The following SLC67A2 variants were observed in gnomAD, a reference collection of about 807,000 sequenced individuals.
SLC67A2 encodes solute carrier family 67 member 2.
the SLC67A2 span, chr2:102,718,474 A>T: frequency 2.5e-6 from 4 of 1,613,986 alleles, no homozygotes; most frequent in Admixed American, 1.7e-5. Context: ...GCTTGTTTAG[A>T]GACATTATGA....
the SLC67A2 span, among the ~76,000 whole-genome samples, chr2:102,730,759 C>T: frequency 1.3e-5 from 2 of 152,110 alleles, no homozygotes; most frequent in African/African-American, 4.8e-5. Flanking sequence ...CCGTATTAGC[C>T]AGGATGGTCT....
the SLC67A2 span, among the ~76,000 whole-genome samples, chr2:102,714,863 A>C: frequency 2.6e-5 from 4 of 152,206 alleles, no homozygotes; most frequent in Admixed American, 6.5e-5. Flanking sequence ...ATGCATTCCA[A>C]ATAAATAGCT....
chr2:102,736,476 A>G, the SLC67A2 span: 6 of 1,481,636 alleles, frequency 4.0e-6, no homozygotes, highest in Middle Eastern at 2.1e-4. Context: ...CCAGATGCAG[A>G]CTGAAGTGGG....
the SLC67A2 span, among the ~76,000 whole-genome samples, chr2:102,719,374 T>A: frequency 6.6e-6 from 1 of 152,228 alleles, no homozygotes; most frequent in Non-Finnish European, 1.5e-5. Context: ...CCTATGGCTT[T>A]ATTCTGACAT....
the SLC67A2 span, among the ~76,000 whole-genome samples, chr2:102,734,059 C>T: frequency 2.6e-5 from 4 of 152,276 alleles, no homozygotes; most frequent in East Asian, 5.8e-4. Flanking sequence ...TCTTCAAAAT[C>T]GCTGCATTTG....
chr2:102,723,774 C>T, the SLC67A2 span: 11 of 1,614,130 alleles, frequency 6.8e-6, no homozygotes, highest in South Asian at 2.2e-5. Flanking sequence ...AGTGAGATAG[C>T]CACCGACCAC....
At chr2:102,719,950 T>C in the SLC67A2 span, among the ~76,000 whole-genome samples, 3 of 152,196 alleles carry the variant, frequency 2.0e-5, no homozygotes, top group East Asian at 1.9e-4. Flanking sequence ...GACCACAACA[T>C]ATACAACCTT....
the SLC67A2 span, chr2:102,736,834 C>CGCA: frequency 2.3e-5 from 36 of 1,584,728 alleles, no homozygotes; most frequent in Admixed American, 5.2e-5. Flanking sequence ...GGGGGTCGGA[C>CGCA]GCAGCAGCAG....
the SLC67A2 span, chr2:102,730,918 A>G: frequency 1.1e-6 from 1 of 882,844 alleles, no homozygotes; most frequent in Non-Finnish European, 1.8e-6. Context: ...GGAAGAACAT[A>G]TTACAATTTA....
chr2:102,736,693 C>A, the SLC67A2 span: 1 of 1,613,454 alleles, frequency 6.2e-7, no homozygotes, highest in South Asian at 1.1e-5. Flanking sequence ...CGGGCTCCGA[C>A]GGCACCGGAG....
chr2:102,726,901 A>C, the SLC67A2 span: 1 of 1,613,072 alleles, frequency 6.2e-7, no homozygotes, highest in Non-Finnish European at 8.5e-7. Flanking sequence ...TCCGAGAAGG[A>C]GATAGCCCAG....
At chr2:102,732,771 G>A in the SLC67A2 span, among the ~76,000 whole-genome samples, 34,416 of 123,436 alleles carry the variant, frequency 0.28, 3,883 homozygotes, top group South Asian at 0.33. Flanking sequence ...TGGAGTTGGC[G>A]AAAGTGGCTA....
chr2:102,729,009 CATT>C, the SLC67A2 span, among the ~76,000 whole-genome samples: 2 of 152,102 alleles, frequency 1.3e-5, no homozygotes, highest in Non-Finnish European at 2.9e-5. Context: ...TATTTAAAAA[CATT>C]AGCCAAATCT....
the SLC67A2 span, among the ~76,000 whole-genome samples, chr2:102,723,245 G>A: frequency 9.8e-5 from 15 of 152,308 alleles, no homozygotes; most frequent in African/African-American, 1.7e-4. Flanking sequence ...CAGAGGCGGC[G>A]GATCGCATGA....
At chr2:102,723,660 A>C in the SLC67A2 span, 1 of 1,575,070 alleles carries the variant, frequency 6.3e-7, no homozygotes, top group Admixed American at 1.7e-5. Flanking sequence ...ATTGGTCAGT[A>C]TGAATACACA....
At chr2:102,724,145 T>G in the SLC67A2 span, among the ~76,000 whole-genome samples, 1 of 152,154 alleles carries the variant, frequency 6.6e-6, no homozygotes, top group Non-Finnish European at 1.5e-5. Context: ...CTGATCCTAG[T>G]CAGTCACCTT....
chr2:102,735,614 G>C, the SLC67A2 span, among the ~76,000 whole-genome samples: 32 of 152,166 alleles, frequency 2.1e-4, no homozygotes, highest in African/African-American at 7.7e-4. Context: ...CTTGGAAAGG[G>C]AGGAGTGCAG....
chr2:102,726,722 T>A, the SLC67A2 span: 1 of 1,409,522 alleles, frequency 7.1e-7, no homozygotes. Flanking sequence ...CTGAACACTC[T>A]TTAAGCAAGT....
At chr2:102,726,567 T>C in the SLC67A2 span, among the ~76,000 whole-genome samples, 4 of 151,926 alleles carry the variant, frequency 2.6e-5, no homozygotes, top group African/African-American at 4.8e-5. Flanking sequence ...AAAGAGGCAA[T>C]GTCCAGCAGG....
Sources: allele counts gnomAD v4.1 joint callset (sites outside exome capture counted in the v4.1 genomes callset), GRCh38; gene constraint gnomAD v4.1.1; transcripts MANE v1.5; gene names NCBI Gene and HGNC (gene_info 2026-07-23, HGNC 2026-07-21).